Variants in ARMC2 observed in about 807,000 individuals in gnomAD.
ARMC2 encodes the protein armadillo repeat-containing protein 2.
ARMC2 carries 67 observed loss-of-function variants against 90.3 expected under a neutral mutation model. The observed-to-expected ratio is 0.74, with a 90% CI of 0.61 to 0.91. The LOEUF is 0.91. Among genes scored for constraint, ARMC2 ranks in the 40% least tolerant of loss-of-function variants. The probability of loss-of-function intolerance (pLI) is 0.00; values close to 1 mark genes in which losing one functional copy is unlikely to be tolerated. For synonymous variants in ARMC2, 393 were observed against 393.0 expected (o/e 1.00, Z 0.00); for missense variants, 920 against 1,030.9 (o/e 0.89, Z 1.47).
chr6:108,946,385 A>G (rs1776813506), intron 12 of ARMC2, among the ~76,000 whole-genome samples: 1 of 152,242 alleles, frequency 6.6e-6, no homozygotes, highest in African/African-American at 2.4e-5. Flanking sequence ...TGAGTCTCCA[A>G]CATTTCAGAT....
chr6:108,999,564 G>A, the ARMC2 span, among the ~76,000 whole-genome samples: 2 of 152,104 alleles, frequency 1.3e-5, no homozygotes, highest in Non-Finnish European at 2.9e-5. Context: ...ACATAAAGAT[G>A]CATAACAATG....
the ARMC2 span, among the ~76,000 whole-genome samples, chr6:109,046,965 G>C: frequency 1.9e-5 from 2 of 107,602 alleles, 1 homozygote; most frequent in South Asian, 8.1e-4. Context: ...GTCTCCACCC[G>C]GCAGCCACCC....
At chr6:109,012,683 C>T in the ARMC2 span, among the ~76,000 whole-genome samples, 2 of 151,966 alleles carry the variant, frequency 1.3e-5, no homozygotes, top group African/African-American at 4.8e-5. Flanking sequence ...AGAATAGACA[C>T]AGAGTTCTAA....
At chr6:109,007,229 G>A in the ARMC2 span, among the ~76,000 whole-genome samples, 15,203 of 152,198 alleles carry the variant, frequency 0.1, 928 homozygotes, top group Middle Eastern at 0.19. Context: ...GAAAGACTAT[G>A]TTTTTATTGT....
chr6:109,052,179 T>C, the ARMC2 span, among the ~76,000 whole-genome samples: 2 of 152,250 alleles, frequency 1.3e-5, no homozygotes, highest in East Asian at 1.9e-4. Flanking sequence ...GCTTATTTTA[T>C]TATAATCTCA....
downstream of ARMC2, among the ~76,000 whole-genome samples, chr6:108,975,710 A>C (rs1362286086): frequency 6.6e-6 from 1 of 152,170 alleles, no homozygotes; most frequent in African/African-American, 2.4e-5. Context: ...CTGGCGTGAC[A>C]TGGTATCTCA....
the ARMC2 span, among the ~76,000 whole-genome samples, chr6:108,988,113 A>AT: frequency 6.6e-6 from 1 of 152,224 alleles, no homozygotes; most frequent in East Asian, 1.9e-4. Flanking sequence ...TTTTGGATAG[A>AT]TTGAGCTTTC....
At chr6:108,953,700 A>T (rs1207978223) in intron 13 of ARMC2, among the ~76,000 whole-genome samples, 1 of 152,236 alleles carries the variant, frequency 6.6e-6, no homozygotes, top group Non-Finnish European at 1.5e-5. Flanking sequence ...AAGAGTTTAA[A>T]ATTCCAAATA....
At chr6:109,051,018 A>C in the ARMC2 span, among the ~76,000 whole-genome samples, 1 of 152,200 alleles carries the variant, frequency 6.6e-6, no homozygotes, top group Non-Finnish European at 1.5e-5. Context: ...GAAGGGCTGA[A>C]TACCTTTTTT....
chr6:109,022,496 C>T, the ARMC2 span, among the ~76,000 whole-genome samples: 11 of 127,798 alleles, frequency 8.6e-5, no homozygotes, highest in Non-Finnish European at 1.7e-4. Flanking sequence ...GATCTCGGCT[C>T]ATTGCAAGCT....
At chr6:109,009,133 C>CT in the ARMC2 span, 1 of 688,550 alleles carries the variant, frequency 1.5e-6, no homozygotes, top group African/African-American at 1.9e-5. Flanking sequence ...GGACGACTCA[C>CT]GGTGCGCAGG....
intron 13 of ARMC2, among the ~76,000 whole-genome samples, chr6:108,955,448 T>C (rs376418672): frequency 9.2e-5 from 14 of 152,348 alleles, no homozygotes; most frequent in Middle Eastern, 6.8e-3. Context: ...GGCACGTTTT[T>C]GTTATTTTCA....
chr6:109,052,107 C>A, the ARMC2 span, among the ~76,000 whole-genome samples: 1 of 152,264 alleles, frequency 6.6e-6, no homozygotes, highest in South Asian at 2.1e-4. Flanking sequence ...AGTTTCAAAC[C>A]AAAGTCAGAC....
the ARMC2 span, among the ~76,000 whole-genome samples, chr6:109,003,853 A>C: frequency 6.6e-6 from 1 of 152,218 alleles, no homozygotes; most frequent in Admixed American, 6.5e-5. Flanking sequence ...ATACATTTGA[A>C]ACAATACCTA....
chr6:109,003,489 A>G, the ARMC2 span, among the ~76,000 whole-genome samples: 1 of 152,188 alleles, frequency 6.6e-6, no homozygotes. Context: ...CAGGAAGGAC[A>G]AAAGTGAAGG....
rs144943805 is a variant in ARMC2, at chr6:108,932,989, G to A, written c.1497-3911G>A. ...AGCCCTGTAGTAAAGTTTGAATTAG[G>A]CAATGTGATGCCTCTAGCTTTGTTC... On this transcript the variant is annotated intron_variant, in intron 11 of 17. Coordinates refer to ENST00000392644, the MANE Select transcript of ARMC2 (RefSeq NM_032131.6). Among the ~76,000 whole-genome samples the A allele has an allele frequency of 1.6e-3, 245 of 152,220 alleles. 1 individual carries two copies. The highest frequency in any genetic ancestry group is 5.7e-3 in the African/African-American group (237 of 41,542).
At chr6:108,991,081 AC>A in the ARMC2 span, among the ~76,000 whole-genome samples, 37 of 151,436 alleles carry the variant, frequency 2.4e-4, 3 homozygotes, top group Middle Eastern at 3.4e-3. Context: ...AAAAACAACA[AC>A]AAAAAAAAAC....
chr6:108,852,058 G>T lies in ARMC2; in HGVS notation c.-43-2167G>T, dbSNP rs550143100. On this transcript the variant is annotated intron_variant, in intron 1 of 17. Transcript: ENST00000392644. ...TTGCTCTACTTGGAAGGAAAATTTT[G>T]TAAAGTTAGAATTTCTGTAGGACTA... is the stretch of plus-strand genomic sequence containing the variant. Among the ~76,000 whole-genome samples the T allele has an allele frequency of 8.2e-3, 1,255 of 152,238 alleles. 5 individuals carry two copies. Among genetic ancestry groups the T allele is most frequent in the Non-Finnish European group, 0.013 (868 of 68,016 alleles).
chr6:108,898,359 A>G (rs1365332783), intron 6 of ARMC2, among the ~76,000 whole-genome samples: 2 of 152,154 alleles, frequency 1.3e-5, no homozygotes. Flanking sequence ...TTTAGGGTCC[A>G]GGCATCTTCT....
Sources: gnomAD v4.1 joint callset for allele counts (sites outside exome capture counted in the v4.1 genomes callset) on GRCh38, gnomAD v4.1.1 for gene constraint, MANE v1.5 for transcripts, NCBI Gene and HGNC (gene_info 2026-07-23, HGNC 2026-07-21) for gene names.